The following DNAH14 variants were observed in gnomAD, a reference collection of about 807,000 sequenced individuals.
DNAH14 encodes axonemal beta dynein heavy chain 14.
Under a neutral mutation model 520.9 loss-of-function variants are expected in DNAH14, and 478 were observed. That is an observed-to-expected ratio of 0.92 (90% CI 0.85 to 0.99). The LOEUF (loss-of-function observed/expected upper bound fraction) is 0.99. Ranked by LOEUF, DNAH14 falls within the 50% of genes least tolerant of loss-of-function variation. DNAH14 has a pLI of 0.00. For missense variants in DNAH14, 4,831 were observed against 5,234.5 expected (o/e 0.92, Z 2.38); for synonymous variants, 1,581 against 1,757.2 (o/e 0.90, Z 2.51).
intron 81 of DNAH14, among the ~76,000 whole-genome samples, chr1:225,385,262 A>G (rs2095827398): frequency 6.6e-6 from 1 of 152,216 alleles, no homozygotes; most frequent in Non-Finnish European, 1.5e-5. Flanking sequence ...ACAAACCCAC[A>G]GCCAATATCA....
chr1:225,022,533 C>G (rs1339079147), intron 10 of DNAH14, among the ~76,000 whole-genome samples: 2 of 152,096 alleles, frequency 1.3e-5, no homozygotes, highest in African/African-American at 4.8e-5. Context: ...AAATCCAAAT[C>G]AAAACCAAAA....
intron 65 of DNAH14, among the ~76,000 whole-genome samples, chr1:225,332,797 C>A (rs569959327): frequency 1.8e-4 from 27 of 147,730 alleles, no homozygotes; most frequent in Non-Finnish European, 4.0e-4. Context: ...GAGTTTAAGA[C>A]CAACCGGGCA....
chr1:225,034,120 G>C (rs920110523), intron 11 of DNAH14, among the ~76,000 whole-genome samples: 6 of 152,148 alleles, frequency 3.9e-5, no homozygotes, highest in Admixed American at 1.3e-4. Context: ...TGGTGAGAGA[G>C]GACATCCTTG....
chr1:225,146,977 G>T (rs369738749), intron 30 of DNAH14, 127 bp from the exon 31 acceptor site: 2 of 668,862 alleles, frequency 3.0e-6, no homozygotes, highest in Non-Finnish European at 4.8e-6. Context: ...ATGCCTAGGA[G>T]GGGGAAATGC....
intron 60 of DNAH14, among the ~76,000 whole-genome samples, chr1:225,313,316 C>T (rs1171064374): frequency 2.0e-5 from 3 of 152,050 alleles, no homozygotes; most frequent in Non-Finnish European, 4.4e-5. Flanking sequence ...TTTATTGTGT[C>T]TCTTTGATTC....
At chr1:225,104,231 A>C (rs2075804905) in intron 23 of DNAH14, among the ~76,000 whole-genome samples, 1 of 152,210 alleles carries the variant, frequency 6.6e-6, no homozygotes, top group South Asian at 2.1e-4. Flanking sequence ...CCCAGGGATG[A>C]AGCCCACTTG....
At chr1:225,125,113 G>A (rs1489617790) in intron 27 of DNAH14, among the ~76,000 whole-genome samples, 1 of 152,176 alleles carries the variant, frequency 6.6e-6, no homozygotes, top group Non-Finnish European at 1.5e-5. Flanking sequence ...CAGATGTGCT[G>A]TCATCCAGGC....
intron 23 of DNAH14, among the ~76,000 whole-genome samples, chr1:225,111,029 T>G (rs765132462): frequency 1.3e-5 from 2 of 152,164 alleles, no homozygotes; most frequent in Non-Finnish European, 2.9e-5. Context: ...TAAGACTTGT[T>G]TTGTGGCCTA....
chr1:225,020,509 A>C (rs1432945753), intron 10 of DNAH14, among the ~76,000 whole-genome samples: 1 of 148,904 alleles, frequency 6.7e-6, no homozygotes, highest in Non-Finnish European at 1.5e-5. Flanking sequence ...AAAAAAAAAA[A>C]AAAAAAACAA....
At chr1:225,263,214 A>G (rs1273140107) in intron 46 of DNAH14, among the ~76,000 whole-genome samples, 1 of 146,702 alleles carries the variant, frequency 6.8e-6, no homozygotes, top group African/African-American at 2.6e-5. Context: ...ACACACATAT[A>G]TATACATGTA....
At chr1:225,221,986 C>T (rs1202618576) in intron 41 of DNAH14, among the ~76,000 whole-genome samples, 1 of 152,176 alleles carries the variant, frequency 6.6e-6, no homozygotes. Context: ...TTATTGCCAG[C>T]TTATCGGGGC....
At chr1:225,006,256 C>T (rs943458285) in intron 9 of DNAH14, among the ~76,000 whole-genome samples, 12 of 152,074 alleles carry the variant, frequency 7.9e-5, no homozygotes, top group African/African-American at 2.4e-4. Flanking sequence ...GTTATGATTG[C>T]GTTATCTGTA....
chr1:225,335,159 ATG>A, intron 66 of DNAH14, among the ~76,000 whole-genome samples: 1 of 148,262 alleles, frequency 6.7e-6, no homozygotes, highest in South Asian at 2.1e-4. Context: ...ACATGTGTGC[ATG>A]TGTGCATGTG....
chr1:225,375,793 CAAG>C (rs996538988), intron 78 of DNAH14, among the ~76,000 whole-genome samples: 13 of 150,400 alleles, frequency 8.6e-5, no homozygotes, highest in African/African-American at 2.9e-4. Flanking sequence ...ACAACAACAA[CAAG>C]TGTCTTAAGG....
intron 43 of DNAH14, 148 bp downstream of exon 43, chr1:225,240,970 A>G (rs2091930139): frequency 1.6e-6 from 1 of 638,936 alleles, no homozygotes; most frequent in African/African-American, 1.8e-5. Flanking sequence ...CCCTCATTAT[A>G]GTGAAAGAAG....
At chr1:225,304,773 C>A (rs946993051) in intron 57 of DNAH14, 135 bp from the exon 58 acceptor site, 1 of 822,934 alleles carries the variant, frequency 1.2e-6, no homozygotes, top group Non-Finnish European at 1.8e-6. Flanking sequence ...TTGTCCTGCT[C>A]ATCCGGGAGC....
chr1:225,361,866 C>T (rs2095496040), intron 75 of DNAH14, among the ~76,000 whole-genome samples: 1 of 151,976 alleles, frequency 6.6e-6, no homozygotes, highest in Non-Finnish European at 1.5e-5. Context: ...AACAATCAAT[C>T]AATCAATCAA....
At chr1:225,208,930 A>G (rs1352114053) in intron 41 of DNAH14, among the ~76,000 whole-genome samples, 1 of 152,138 alleles carries the variant, frequency 6.6e-6, no homozygotes, top group Non-Finnish European at 1.5e-5. Flanking sequence ...TATTTCCAGC[A>G]TTTCCATTGA....
intron 56 of DNAH14, among the ~76,000 whole-genome samples, chr1:225,302,605 C>T (rs1429258096): frequency 6.6e-6 from 1 of 152,146 alleles, no homozygotes; most frequent in Non-Finnish European, 1.5e-5. Context: ...GCAACAGCAG[C>T]AGCACAGCCA....
Sources: gnomAD v4.1 joint callset for allele counts (sites outside exome capture counted in the v4.1 genomes callset) on GRCh38, gnomAD v4.1.1 for gene constraint, MANE v1.5 for transcripts, NCBI Gene and HGNC (gene_info 2026-07-23, HGNC 2026-07-21) for gene names.